SEZ6L2: variants seen among roughly 807,000 people sequenced by gnomAD.
SEZ6L2 encodes seizure 6-like protein 2.
A neutral mutation model predicts 97.0 loss-of-function variants in SEZ6L2; 44 were observed. The observed-to-expected ratio is 0.45, with a 90% CI of 0.36 to 0.58. The LOEUF (loss-of-function observed/expected upper bound fraction) is 0.58. SEZ6L2 is among the 20% of genes least tolerant of loss of function. SEZ6L2 has a pLI of 0.00. For synonymous variants in SEZ6L2, 543 were observed against 546.1 expected (o/e 0.99, Z 0.08); for missense variants, 1,086 against 1,233.3 (o/e 0.88, Z 1.79).
chr16:29,895,200 G>A (rs200269722), intron 5 of SEZ6L2, 59 bp downstream of exon 5: 27 of 711,558 alleles, frequency 3.8e-5, no homozygotes, highest in East Asian at 5.7e-5. Context: ...AAAAAAAAAA[G>A]ATGTCCAGTG....
chr16:29,871,764 T>C, intron 17 of SEZ6L2, 36 bp from the exon 18 acceptor site: 2 of 1,596,694 alleles, frequency 1.3e-6, no homozygotes. Flanking sequence ...TGTTGGAGTC[T>C]GATAGGGGTG....
chr16:29,897,582 G>T (rs2068432511), intron 2 of SEZ6L2, among the ~76,000 whole-genome samples: 1 of 151,734 alleles, frequency 6.6e-6, no homozygotes, highest in East Asian at 1.9e-4. Context: ...TCTGAGTCTG[G>T]TTCTCTGAAT....
chr16:29,891,996 G>A (rs988790033), intron 5 of SEZ6L2, among the ~76,000 whole-genome samples: 2 of 152,194 alleles, frequency 1.3e-5, no homozygotes, highest in East Asian at 3.8e-4. Context: ...TGCAATAAAC[G>A]TGCAGATGGT....
Position 29,885,695 on chromosome 16 carries a change from G to T in SEZ6L2, c.1263C>A (p.Asp421Glu), listed in dbSNP as rs1376950852. 8.1e-6 allele frequency: 13 copies of T among 1,613,842 alleles called. No individual in the cohort carries two copies. The highest frequency in any genetic ancestry group is 1.3e-5 in the African/African-American group (1 of 74,896). Residue 421 changes from aspartate (D) to glutamate (E), a missense_variant, in exon 8 of 18, where the codon GAC becomes GAA. This residue lies in a region of SEZ6L2 where 776 missense variants were observed against 794.7 expected (regional missense o/e 0.98). Coordinates refer to ENST00000617533, the MANE Select transcript of SEZ6L2 (RefSeq NM_001243332.2). ...GACCCCGCTCGGGGACATCGTCCAT[G>T]TCCGAATCATAGATCACGGGGGATA... is the stretch of plus-strand genomic sequence containing the variant. ...SPLSPVIYDS[D>E]MDDVPERGLI...
At chr16:29,874,331 C>T (rs1188105768) in intron 12 of SEZ6L2, among the ~76,000 whole-genome samples, 1 of 152,074 alleles carries the variant, frequency 6.6e-6, no homozygotes, top group Non-Finnish European at 1.5e-5. Flanking sequence ...GTCTGTGGAA[C>T]AGCAGCTGCC....
At chr16:29,888,796 C>T in intron 5 of SEZ6L2, 71 bp from the exon 6 acceptor site, 1 of 1,368,770 alleles carries the variant, frequency 7.3e-7, no homozygotes, top group Non-Finnish European at 9.9e-7. Context: ...TCCCCCAGCA[C>T]TTCCCCCCTC....
rs780542953 is a variant in SEZ6L2, at chr16:29,872,192, C to T, written c.2737G>A (p.Ala913Thr). ...ESDFSNPLYE[A>T]GDTREYEVSI ...GGGGCAGGCAAGGTGCTTACCCCAG[C>T]TTCATACAGCGGGTTGCTGAAGTCC... The change falls in exon 17 of 18, where the codon GCT becomes ACT. Residue 913 changes from alanine to threonine, a missense_variant. By Grantham distance (58) the Ala-to-Thr change is moderately conservative. Transcript: ENST00000617533. 6.2e-7 allele frequency: 1 copy of T among 1,603,070 alleles called. No individual in the cohort carries two copies. The highest frequency in any genetic ancestry group is 8.5e-7 in the Non-Finnish European group (1 of 1,174,608).
rs769848564 is a variant in SEZ6L2 at position 29,873,766 on chromosome 16, C to T, written c.2105-37G>A. The stretch of plus-strand genomic sequence containing the variant: ...AGAACAAGGTCAGGGGGAGCGAGGG[C>T]CTTCAAAGATCAGCCTGGGCAACAC... On this transcript the variant is annotated intron_variant, in intron 12 of 17. Coordinates refer to ENST00000617533, the MANE Select transcript of SEZ6L2 (RefSeq NM_001243332.2). The surrounding 1 kb of genome is among the most constrained non-coding windows in gnomAD (Gnocchi z 4.3). The T allele has an allele frequency of 2.6e-6, 4 of 1,521,056 alleles. No individual in the cohort carries two copies. The highest frequency in any genetic ancestry group is 3.5e-6 in the Non-Finnish European group (4 of 1,135,962). The allele number at this position is 1,521,056 out of a possible 1,614,324, so 94.2% of individuals were successfully genotyped here.
Position 29,899,073 on chromosome 16 carries a change from ACCTTT to A in SEZ6L2, c.-59_-55del. ...TGCCTCTCTAAGTAATCTGGCTGCCACCTTTCCTCCGTCTCCGTTTATCTTTCCCT... is the reference window on the plus strand; with the variant it reads ...TGCCTCTCTAAGTAATCTGGCTGCCACCTCCGTCTCCGTTTATCTTTCCCT... On this transcript the variant is annotated 5_prime_UTR_variant, in exon 1 of 18. Transcript: ENST00000617533. 8.7e-7 allele frequency: 1 copy of A among 1,144,732 alleles called. No homozygotes were observed. Among genetic ancestry groups the A allele is most frequent in the Non-Finnish European group, 1.2e-6 (1 of 803,368 alleles). 70.9% of individuals were successfully genotyped at this position (1,144,732 alleles called of 1,614,324 possible).
At position 29,877,471 on chromosome 16, in the gene SEZ6L2, C is replaced by A; in HGVS notation, c.1713-4G>T. 2 of 1,583,526 alleles carry A rather than the reference C, an allele frequency of 1.3e-6. No homozygotes were observed. Among genetic ancestry groups the A allele is most frequent in the Non-Finnish European group, 1.7e-6 (2 of 1,164,062 alleles). ...GTCCCCTTCCCGCACATTCAATCTGCAGGGGGTGAGACCAGGCAATGGGGC... is the reference window on the plus strand; with the variant it reads ...GTCCCCTTCCCGCACATTCAATCTGAAGGGGGTGAGACCAGGCAATGGGGC... On this transcript the variant is annotated splice_polypyrimidine_tract_variant and splice_region_variant and intron_variant, in intron 10 of 17. Coordinates refer to ENST00000617533, the MANE Select transcript of SEZ6L2 (RefSeq NM_001243332.2).
intron 6 of SEZ6L2, 125 bp from the exon 7 acceptor site, chr16:29,887,942 C>G: frequency 9.4e-7 from 1 of 1,061,634 alleles, no homozygotes; most frequent in South Asian, 1.6e-5. Context: ...CAGGGCTGGC[C>G]TCTGTCCCAT....
In SEZ6L2 at chr16:29,871,412, G is replaced by A. The variant is rs1286548534; in HGVS notation, c.*287C>T. On this transcript the variant is annotated 3_prime_UTR_variant, in exon 18 of 18. Transcript: ENST00000617533. Reference sequence around the variant, plus strand: ...AGGGGTGCCCTGGGCAGGAGGGGCTGCAAGATTTGCAGGGAGGCAGAGTTC... The same window carrying A: ...AGGGGTGCCCTGGGCAGGAGGGGCTACAAGATTTGCAGGGAGGCAGAGTTC... 5 of 543,012 alleles carry A rather than the reference G, an allele frequency of 9.2e-6. No homozygotes were observed. Among genetic ancestry groups the A allele is most frequent in the Admixed American group, 3.1e-5 (1 of 32,192 alleles). The allele number at this position is 543,012 out of a possible 1,614,324, so 33.6% of individuals were successfully genotyped here.
At chr16:29,879,421 C>T (rs2067983421) in intron 9 of SEZ6L2, among the ~76,000 whole-genome samples, 1 of 151,716 alleles carries the variant, frequency 6.6e-6, no homozygotes, top group South Asian at 2.1e-4. Flanking sequence ...GACAGGGTTT[C>T]TCCATGTTGA....
intron 3 of SEZ6L2, 110 bp from the exon 4 acceptor site, chr16:29,895,970 T>C: frequency 1.3e-5 from 16 of 1,211,760 alleles, no homozygotes; most frequent in Non-Finnish European, 1.8e-5. Context: ...CATCATCTTT[T>C]TGTTTTGTTT....
chr16:29,877,544 C>G, intron 10 of SEZ6L2, 77 bp from the exon 11 acceptor site: 1 of 1,334,890 alleles, frequency 7.5e-7, no homozygotes, highest in Non-Finnish European at 1.0e-6. Context: ...ATCCTCAACT[C>G]TGCTCATTGG....
In SEZ6L2 at chr16:29,897,063, G is replaced by T; in HGVS notation, c.270C>A (p.Pro90=). 1 of 1,581,868 alleles carries T rather than the reference G, an allele frequency of 6.3e-7. No homozygotes were observed. Among genetic ancestry groups the T allele is most frequent in the Non-Finnish European group, 8.5e-7 (1 of 1,171,842 alleles). The change falls in exon 3 of 18, where the codon CCC becomes CCA. Residue 90 remains proline, a synonymous_variant. Transcript: ENST00000617533. The part of the protein sequence containing the change: ...TPPAGQTLAV[P]SLPRATEPGT... ...CCGGCTCAGTGGCCCGTGGCAGGGAGGGCACTGCGAGAGTCTGGCCGGCCG... is the reference window on the plus strand; with the variant it reads ...CCGGCTCAGTGGCCCGTGGCAGGGATGGCACTGCGAGAGTCTGGCCGGCCG...
chr16:29,876,745 G>T lies in SEZ6L2; in HGVS notation c.2104+11C>A, dbSNP rs539266909. ...GGCGGGGCCGAGGGGACGCGGGCGG[G>T]GCCGGCTCACTCTTTTGGCAGGCGG... On this transcript the variant is annotated intron_variant, in intron 12 of 17. Coordinates refer to ENST00000617533, the MANE Select transcript of SEZ6L2 (RefSeq NM_001243332.2). The surrounding 1 kb of genome is among the most constrained non-coding windows in gnomAD (Gnocchi z 6.5). The T allele has an allele frequency of 1.2e-5, 18 of 1,528,164 alleles. No homozygotes were observed. In the South Asian group the frequency reaches 2.1e-4, roughly 17 times the overall value. 94.7% of individuals were successfully genotyped at this position (1,528,164 alleles called of 1,614,324 possible).
rs11649499 is a variant in SEZ6L2, at chr16:29,897,112, C to T, written c.221G>A (p.Arg74Gln). 5.1e-6 allele frequency: 8 copies of T among 1,567,364 alleles called. No homozygotes were observed. In the Admixed American group the frequency reaches 1.1e-4, roughly 21 times the overall value. ...PEMGYLPGSD[R>Q]DPTLATPPAG... ...CGGAGGGGTGGCTAGCGTGGGGTCC[C>T]GATCAGATCCTGGGACAGTGCAGGG... Residue 74 changes from arginine to glutamine, a missense_variant, in exon 3 of 18, where the codon CGG becomes CAG. Physicochemically the swap from Arg to Gln is conservative, Grantham distance 43 (BLOSUM62 1). Around this residue, in one of 2 missense-constraint regions of SEZ6L2, gnomAD observed 776 missense variants for 794.7 expected, o/e 0.98. Transcript: ENST00000617533.
intron 8 of SEZ6L2, among the ~76,000 whole-genome samples, chr16:29,884,389 C>T (rs547391254): frequency 3.2e-4 from 49 of 152,132 alleles, no homozygotes; most frequent in Non-Finnish European, 6.6e-4. Flanking sequence ...CCCAGGAGTT[C>T]AAGACCAGCC....
Sources: allele counts gnomAD v4.1 joint callset (sites outside exome capture counted in the v4.1 genomes callset), GRCh38; gene constraint gnomAD v4.1.1; regional missense constraint gnomAD v4.1.1; non-coding constraint Gnocchi (gnomAD v3.1); transcripts MANE v1.5; gene names NCBI Gene and HGNC (gene_info 2026-07-23, HGNC 2026-07-21).